The following RPS6KA3 variants were observed in gnomAD, a reference collection of about 807,000 sequenced individuals.
RPS6KA3 encodes ribosomal protein S6 kinase A3, also known as ribosomal protein S6 kinase alpha-3.
A neutral mutation model predicts 67.2 loss-of-function variants in RPS6KA3; 4 were observed. The ratio of observed to expected loss-of-function variants is 0.06; its 90% CI spans 0.03 to 0.14. RPS6KA3 has a LOEUF of 0.14. Ranked by LOEUF, RPS6KA3 falls within the 10% of genes least tolerant of loss-of-function variation. The probability of loss-of-function intolerance (pLI) is 1.00; values close to 1 mark genes in which losing one functional copy is unlikely to be tolerated. For missense variants in RPS6KA3, 204 were observed against 559.0 expected (o/e 0.36, Z 6.40); for synonymous variants, 182 against 183.7 (o/e 0.99, Z 0.07).
intron 1 of RPS6KA3, among the ~76,000 whole-genome samples, chrX:20,244,949 A>C (rs1435792899): frequency 8.9e-6 from 1 of 112,591 alleles, no homozygotes; most frequent in Non-Finnish European, 1.9e-5. Context: ...ACAATGAAAA[A>C]TGAAAGAAAA....
chrX:20,216,939 G>A (rs1343680529), intron 2 of RPS6KA3, among the ~76,000 whole-genome samples: 1 of 112,090 alleles, frequency 8.9e-6, no homozygotes, highest in East Asian at 2.8e-4. Context: ...TTATGGGCCA[G>A]GTATTGTACT....
chrX:20,186,228 C>T (rs1402627986), intron 10 of RPS6KA3, 68 bp downstream of exon 10: 2 of 765,379 alleles, frequency 2.6e-6, no homozygotes, highest in Admixed American at 2.2e-5. Flanking sequence ...AGGCATGAGC[C>T]ACAGCGCCCA....
intron 1 of RPS6KA3, among the ~76,000 whole-genome samples, chrX:20,260,423 T>C (rs1378848049): frequency 2.7e-5 from 3 of 111,967 alleles, no homozygotes; most frequent in South Asian, 7.4e-4. Context: ...GAACAAACTT[T>C]CCTTTCTTCC....
At chrX:20,164,600 G>T (rs1310450388) in intron 18 of RPS6KA3, among the ~76,000 whole-genome samples, 1 of 109,470 alleles carries the variant, frequency 9.1e-6, no homozygotes, top group East Asian at 2.9e-4. Context: ...GCCCAGGCTG[G>T]TCTGAAACTC....
intron 7 of RPS6KA3, among the ~76,000 whole-genome samples, chrX:20,190,929 G>C (rs1185488854): frequency 4.7e-5 from 5 of 106,837 alleles, no homozygotes; most frequent in Admixed American, 3.0e-4. Flanking sequence ...GTGCAGGTTT[G>C]TTACATAGGT....
intron 14 of RPS6KA3, among the ~76,000 whole-genome samples, chrX:20,173,208 C>G (rs1362614750): frequency 9.0e-6 from 1 of 111,262 alleles, no homozygotes; most frequent in African/African-American, 3.3e-5. Flanking sequence ...TTTTCAAGTA[C>G]CTTTGCAAAT....
rs2070407837 is a variant in RPS6KA3, at chrX:20,266,795, A to G, written c.-163T>C. Reference sequence around the variant, plus strand: ...CAGCAGCAGCAGCGGCGGCGGCCCCAGAGAGGGCTCGACGCCGACGCCGAC... The same window carrying G: ...CAGCAGCAGCAGCGGCGGCGGCCCCGGAGAGGGCTCGACGCCGACGCCGAC... On this transcript the variant is annotated 5_prime_UTR_variant, in exon 1 of 22. Coordinates refer to ENST00000379565, the MANE Select transcript of RPS6KA3 (RefSeq NM_004586.3). 2.0e-5 allele frequency: 7 copies of G among 348,671 alleles called. No homozygotes were observed. In the South Asian group the frequency reaches 5.3e-4, roughly 27 times the overall value. The allele number at this position is 348,671 out of a possible 1,213,427, so 28.7% of individuals were successfully genotyped here.
At chrX:20,198,655 A>G (rs2068338007) in intron 4 of RPS6KA3, among the ~76,000 whole-genome samples, 1 of 111,960 alleles carries the variant, frequency 8.9e-6, no homozygotes, top group Non-Finnish European at 1.9e-5. Flanking sequence ...TACAAGGAAA[A>G]GATAAGAAAT....
At chrX:20,194,559 G>T (rs1027962492) in intron 5 of RPS6KA3, among the ~76,000 whole-genome samples, 1 of 110,757 alleles carries the variant, frequency 9.0e-6, no homozygotes, top group Non-Finnish European at 1.9e-5. Flanking sequence ...ACTTAACTAC[G>T]AAATAACATA....
intron 17 of RPS6KA3, among the ~76,000 whole-genome samples, chrX:20,165,648 A>G (rs1306700673): frequency 8.9e-6 from 1 of 112,331 alleles, no homozygotes; most frequent in Non-Finnish European, 1.9e-5. Context: ...CAGCACGTAC[A>G]AGATACATAC....
At chrX:20,162,297 C>T (rs1194670486) in intron 19 of RPS6KA3, among the ~76,000 whole-genome samples, 4 of 102,900 alleles carry the variant, frequency 3.9e-5, no homozygotes, top group Non-Finnish European at 7.9e-5. Context: ...GATCGTGCTA[C>T]TGCACTCCAG....
intron 9 of RPS6KA3, 76 bp downstream of exon 9, chrX:20,187,752 G>A (rs1295905173): frequency 3.4e-6 from 3 of 877,445 alleles, no homozygotes; most frequent in Non-Finnish European, 5.0e-6. Context: ...AAAAACACCA[G>A]TTTCTTTAAC....
At chrX:20,166,708 CCCT>C (rs1472902540) in intron 17 of RPS6KA3, among the ~76,000 whole-genome samples, 34 of 104,856 alleles carry the variant, frequency 3.2e-4, no homozygotes, top group Non-Finnish European at 5.1e-4. Context: ...TCCCAGACTT[CCCT>C]TCTTTTTTTT....
intron 4 of RPS6KA3, 50 bp from the exon 5 acceptor site, chrX:20,195,195 C>G (rs759704132): frequency 5.9e-6 from 5 of 848,168 alleles, no homozygotes; most frequent in East Asian, 6.4e-5. Flanking sequence ...CAAAGATAAT[C>G]TTCAAAACAA....
intron 20 of RPS6KA3, among the ~76,000 whole-genome samples, chrX:20,157,319 T>C (rs377099283): frequency 5.2e-5 from 5 of 96,940 alleles, no homozygotes; most frequent in Admixed American, 1.2e-4. Flanking sequence ...CTAGGCAACA[T>C]TGTGAGGTCC....
At chrX:20,160,056 G>A (rs1341757171) in intron 20 of RPS6KA3, among the ~76,000 whole-genome samples, 1 of 112,024 alleles carries the variant, frequency 8.9e-6, no homozygotes, top group African/African-American at 3.2e-5. Context: ...TGATCCCTCA[G>A]TTTAGGACTA....
chrX:20,174,824 C>G (rs187983683), intron 14 of RPS6KA3, among the ~76,000 whole-genome samples: 1 of 111,457 alleles, frequency 9.0e-6, no homozygotes, highest in African/African-American at 3.3e-5. Flanking sequence ...GTGCGATCTC[C>G]GCTCACTGCA....
At chrX:20,247,397 C>CA (rs746839725) in intron 1 of RPS6KA3, among the ~76,000 whole-genome samples, 54 of 110,191 alleles carry the variant, frequency 4.9e-4, no homozygotes, top group African/African-American at 8.9e-4. Flanking sequence ...GCCTCTATCT[C>CA]AAAAAAAACA....
chrX:20,188,523 T>A lies in RPS6KA3; in HGVS notation c.605A>T (p.Asp202Val). The A allele has an allele frequency of 9.9e-7, 1 of 1,014,239 alleles. No individual in the cohort carries two copies. Among genetic ancestry groups the A allele is most frequent in the Non-Finnish European group, 1.4e-6 (1 of 722,190 alleles). 83.6% of individuals were successfully genotyped at this position (1,014,239 alleles called of 1,213,427 possible). A position where few individuals can be genotyped will look rare whatever the true frequency, so the allele number is the denominator to read the frequency against. Residue 202 changes from aspartate to valine, a missense_variant, in exon 8 of 22, where the codon GAT becomes GTT. Transcript: ENST00000379565. ...TGTTAACTTGATGTGACCTTCTTCA[T>A]CAAGAAGTATACTGAAAAAAACAAA... The part of the protein sequence containing the change: ...RDLKPENILL[D>V]EEGHIKLTDF...
Sources: allele counts gnomAD v4.1 joint callset (sites outside exome capture counted in the v4.1 genomes callset), GRCh38; gene constraint gnomAD v4.1.1; transcripts MANE v1.5; gene names NCBI Gene and HGNC (gene_info 2026-07-23, HGNC 2026-07-21).